USP6: variants seen among roughly 807,000 people sequenced by gnomAD.
USP6 encodes the protein ubiquitin specific peptidase 6, also known as ubiquitin carboxyl-terminal hydrolase 6.
In USP6, 128 loss-of-function variants were observed where a neutral mutation model predicts 175.7. That is an observed-to-expected ratio of 0.73 (90% CI 0.63 to 0.84). The LOEUF is 0.84. Among genes scored for constraint, USP6 ranks in the 40% least tolerant of loss-of-function variants. The pLI is 0.00. For synonymous variants in USP6, 562 were observed against 630.6 expected (o/e 0.89, Z 1.63); for missense variants, 1,498 against 1,760.3 (o/e 0.85, Z 2.67).
At chr17:5,163,032 G>A in intron 33 of USP6, 28 bp downstream of exon 33, 1 of 1,515,052 alleles carries the variant, frequency 6.6e-7, no homozygotes, top group Non-Finnish European at 8.8e-7. Flanking sequence ...CCGTAAAATG[G>A]TGGTTTTTAT....
At chr17:5,170,188 A>T (rs558675991) in intron 35 of USP6, among the ~76,000 whole-genome samples, 1 of 152,164 alleles carries the variant, frequency 6.6e-6, no homozygotes, top group African/African-American at 2.4e-5. Flanking sequence ...TAATAGTTGG[A>T]TTTTTTTCAA....
At chr17:5,136,055 G>T in intron 17 of USP6, 127 bp downstream of exon 17, 1 of 1,519,082 alleles carries the variant, frequency 6.6e-7, no homozygotes, top group South Asian at 1.3e-5. Flanking sequence ...CATTTAGGAC[G>T]TCTCTGCTGA....
chr17:5,169,846 G>A (rs145513395), intron 35 of USP6, among the ~76,000 whole-genome samples: 8,738 of 152,200 alleles, frequency 0.057, 316 homozygotes, highest in East Asian at 0.14. Context: ...GAATAATATC[G>A]TCACTTTGAC....
intron 25 of USP6, among the ~76,000 whole-genome samples, chr17:5,143,468 C>T (rs2143973174): frequency 6.6e-6 from 1 of 151,708 alleles, no homozygotes; most frequent in South Asian, 2.1e-4. Context: ...CAACCCTGTG[C>T]TCTCTGAAAC....
chr17:5,136,037 G>A (rs1253316986), intron 17 of USP6, 109 bp downstream of exon 17: 41 of 1,560,124 alleles, frequency 2.6e-5, no homozygotes, highest in Non-Finnish European at 3.4e-5. Context: ...TTGCCAGCTT[G>A]TTGGGAGCAT....
chr17:5,172,209 A>T (rs1485963854), intron 37 of USP6, among the ~76,000 whole-genome samples: 1 of 151,058 alleles, frequency 6.6e-6, no homozygotes, highest in Non-Finnish European at 1.5e-5. Flanking sequence ...GTTAATGCAA[A>T]AAGCTCCTAT....
chr17:5,120,049 C>T (rs1421153870), intron 2 of USP6, among the ~76,000 whole-genome samples: 2 of 152,146 alleles, frequency 1.3e-5, no homozygotes, highest in Admixed American at 6.5e-5. Context: ...GGAGGCCTTA[C>T]GTGCCCTCTC....
chr17:5,145,502 T>A lies in USP6; in HGVS notation c.2090T>A (p.Ile697Lys). ...GTCAAATGCAAGACATGTGGGCATA[T>A]AAGTGTCCGATTTGACCCTTTCAAT... ...SQVKCKTCGHISVRFDPFNFL... is the reference protein window; with the variant it reads ...SQVKCKTCGHKSVRFDPFNFL... Residue 697 changes from isoleucine to lysine, a missense_variant, in exon 27 of 38, where the codon ATA becomes AAA. Ile to Lys is a moderately radical substitution (Grantham distance 102, BLOSUM62 -3). Transcript: ENST00000574788. 6.2e-7 allele frequency: 1 copy of A among 1,613,022 alleles called. No homozygotes were observed. The highest frequency in any genetic ancestry group is 8.5e-7 in the Non-Finnish European group (1 of 1,179,496).
chr17:5,133,343 A>C lies in USP6; in HGVS notation c.277-100A>C, dbSNP rs777699914. On this transcript the variant is annotated intron_variant, in intron 13 of 37. Coordinates refer to ENST00000574788, the MANE Select transcript of USP6 (RefSeq NM_001304284.2). ...CAGCTTGATCTCGCCTCTACTGAGG[A>C]ATCATGGGGCCAAAACTGACAATTT... 3.1e-4 allele frequency: 407 copies of C among 1,321,050 alleles called. 2 individuals carry two copies. Among genetic ancestry groups the C allele is most frequent in the Middle Eastern group, 2.1e-3 (8 of 3,800 alleles). The allele number at this position is 1,321,050 out of a possible 1,614,324, so 81.8% of individuals were successfully genotyped here.
chr17:5,125,678 G>GCACGCACACACA (rs1555589162), intron 5 of USP6, 143 bp from the exon 6 acceptor site: 1 of 137,592 alleles, frequency 7.3e-6, no homozygotes, highest in African/African-American at 2.8e-5. Flanking sequence ...ACACGCACAT[G>GCACGCACACACA]CACACACACA....
intron 9 of USP6, 101 bp from the exon 10 acceptor site, chr17:5,130,266 G>T (rs1175002780): frequency 8.6e-7 from 1 of 1,165,028 alleles, no homozygotes; most frequent in Admixed American, 1.7e-5. Flanking sequence ...TGGAATGAAG[G>T]TTATACAACC....
chr17:5,151,098 CCAAATTAGGT>C (rs1435851589), intron 30 of USP6, among the ~76,000 whole-genome samples: 1 of 152,002 alleles, frequency 6.6e-6, no homozygotes, highest in East Asian at 1.9e-4. Context: ...CATCCTTTTA[CCAAATTAGGT>C]CACATTTACT....
At chr17:5,171,461 T>G in intron 36 of USP6, 126 bp from the exon 37 acceptor site, 1 of 879,282 alleles carries the variant, frequency 1.1e-6, no homozygotes, top group Non-Finnish European at 1.6e-6. Flanking sequence ...GAAAGAGGGT[T>G]CTAAAATATT....
In USP6 at chr17:5,172,969, G is replaced by GTTA; in HGVS notation, c.4213_4215dup (p.Leu1405dup). The GTTA allele has an allele frequency of 6.2e-7, 1 of 1,613,896 alleles. No individual in the cohort carries two copies. The highest frequency in any genetic ancestry group is 8.5e-7 in the Non-Finnish European group (1 of 1,179,772). ...AGTCTGATTACGAAAAGTACTCTAT[G>GTTA]TTACAGTAAAGCTACCACTCTGGCT... On this transcript the variant is annotated inframe_insertion, in exon 38 of 38. Transcript: ENST00000574788.
chr17:5,166,078 C>T (rs1318292010), intron 33 of USP6, among the ~76,000 whole-genome samples: 1 of 152,046 alleles, frequency 6.6e-6, no homozygotes, highest in Non-Finnish European at 1.5e-5. Context: ...TATGATACAC[C>T]CCTTTTTCTA....
In USP6 at chr17:5,132,709, C is replaced by T. The variant is rs946850971; in HGVS notation, c.196-201C>T. Among the ~76,000 whole-genome samples the T allele has an allele frequency of 6.6e-6, 1 of 152,126 alleles. No homozygotes were observed. Among genetic ancestry groups the T allele is most frequent in the African/African-American group, 2.4e-5 (1 of 41,428 alleles). Reference sequence around the variant, plus strand: ...GGACCTAAGACTGGTGTGTCTGTGGCCTGAGGATGGCATGTCCCGGGGTCC... The same window carrying T: ...GGACCTAAGACTGGTGTGTCTGTGGTCTGAGGATGGCATGTCCCGGGGTCC... On this transcript the variant is annotated intron_variant, in intron 12 of 37. Coordinates refer to ENST00000574788, the MANE Select transcript of USP6 (RefSeq NM_001304284.2). This position sits in a 1 kb window ranked among gnomAD's most constrained non-coding sequence, Gnocchi z 4.7.
At chr17:5,144,503 T>G (rs1451276798) in intron 25 of USP6, among the ~76,000 whole-genome samples, 187 bp from the exon 26 acceptor site, 1 of 152,188 alleles carries the variant, frequency 6.6e-6, no homozygotes, top group Non-Finnish European at 1.5e-5. Flanking sequence ...TCTCTTTTTT[T>G]TTTTGGTCAT....
intron 17 of USP6, 81 bp from the exon 18 acceptor site, chr17:5,136,559 G>C: frequency 6.5e-7 from 1 of 1,547,004 alleles, no homozygotes; most frequent in Non-Finnish European, 8.9e-7. Context: ...GGGGGCCTCT[G>C]CAGCTGCCCA....
At chr17:5,167,854 A>C in intron 33 of USP6, 78 bp from the exon 34 acceptor site, 2 of 1,498,674 alleles carry the variant, frequency 1.3e-6, no homozygotes, top group Non-Finnish European at 1.8e-6. Context: ...TGAGTGACCG[A>C]GCGGTTGATG....
Sources: gnomAD v4.1 joint callset for allele counts (sites outside exome capture counted in the v4.1 genomes callset) on GRCh38, gnomAD v4.1.1 for gene constraint, Gnocchi (gnomAD v3.1) non-coding constraint, MANE v1.5 for transcripts, NCBI Gene and HGNC (gene_info 2026-07-23, HGNC 2026-07-21) for gene names.